Variants in DACH2 observed in about 807,000 individuals in gnomAD.
DACH2 encodes the protein dachshund family transcription factor 2.
DACH2 carries 17 observed loss-of-function variants against 35.8 expected under a neutral mutation model. The ratio of observed to expected loss-of-function variants is 0.48; its 90% CI spans 0.33 to 0.71. DACH2 has a LOEUF of 0.71. Among genes scored for constraint, DACH2 ranks in the 30% least tolerant of loss-of-function variants. The pLI is 0.02. For synonymous variants in DACH2, 195 were observed against 177.3 expected (o/e 1.10, Z -0.79); for missense variants, 469 against 472.7 (o/e 0.99, Z 0.07).
intron 2 of DACH2, among the ~76,000 whole-genome samples, chrX:86,408,545 G>A (rs1423731275): frequency 1.8e-5 from 2 of 111,835 alleles, no homozygotes; most frequent in African/African-American, 6.5e-5. Flanking sequence ...ACCAAATATA[G>A]CATCTTGGAT....
chrX:86,319,641 T>C (rs1353797637), intron 1 of DACH2, among the ~76,000 whole-genome samples: 1 of 112,146 alleles, frequency 8.9e-6, no homozygotes, highest in Non-Finnish European at 1.9e-5. Flanking sequence ...CTGACCTGTA[T>C]AATTTAGACC....
chrX:86,268,267 G>A (rs888194443), intron 1 of DACH2, among the ~76,000 whole-genome samples: 4 of 111,053 alleles, frequency 3.6e-5, no homozygotes, highest in Non-Finnish European at 5.7e-5. Context: ...AGTAATCATA[G>A]TAAATAATAG....
At chrX:86,391,895 C>T (rs1216873114) in intron 2 of DACH2, among the ~76,000 whole-genome samples, 1 of 111,122 alleles carries the variant, frequency 9.0e-6, no homozygotes, top group African/African-American at 3.3e-5. Flanking sequence ...TATTCTAGAT[C>T]GTGGGTAAAT....
intron 1 of DACH2, among the ~76,000 whole-genome samples, chrX:86,293,364 G>T (rs1254589883): frequency 9.1e-6 from 1 of 109,620 alleles, no homozygotes; most frequent in Non-Finnish European, 1.9e-5. Context: ...ACACTGATGG[G>T]TCTTGACTAT....
At chrX:86,815,455 T>C (rs2042437778) in intron 10 of DACH2, among the ~76,000 whole-genome samples, 1 of 109,716 alleles carries the variant, frequency 9.1e-6, no homozygotes, top group African/African-American at 3.3e-5. Context: ...ACAGAACCTT[T>C]TTACATCAAA....
chrX:86,210,600 C>T (rs2032422746), intron 1 of DACH2, among the ~76,000 whole-genome samples: 2 of 111,827 alleles, frequency 1.8e-5, no homozygotes, highest in South Asian at 7.3e-4. Flanking sequence ...ACACTGACAT[C>T]AGCTCAAAAG....
intron 2 of DACH2, among the ~76,000 whole-genome samples, chrX:86,444,458 T>G (rs1336964336): frequency 8.9e-6 from 1 of 111,793 alleles, no homozygotes; most frequent in Non-Finnish European, 1.9e-5. Context: ...TCTCTGATAG[T>G]AAACCTTTTA....
At chrX:86,818,737 C>T (rs2042477126) in intron 11 of DACH2, among the ~76,000 whole-genome samples, 1 of 110,183 alleles carries the variant, frequency 9.1e-6, no homozygotes, top group South Asian at 3.8e-4. Context: ...ATAATTCCAG[C>T]ATCAGTAAAG....
intron 7 of DACH2, among the ~76,000 whole-genome samples, chrX:86,769,691 G>A (rs1356293410): frequency 9.0e-6 from 1 of 111,441 alleles, no homozygotes; most frequent in Non-Finnish European, 1.9e-5. Flanking sequence ...AATCATCTAG[G>A]AATCAAAGAC....
chrX:86,204,439 C>T (rs147317703), intron 1 of DACH2, among the ~76,000 whole-genome samples: 12 of 111,679 alleles, frequency 1.1e-4, no homozygotes, highest in Non-Finnish European at 2.1e-4. Context: ...ATTGAACTTC[C>T]GTAAGTACTC....
At chrX:86,792,237 A>C (rs764795820) in intron 7 of DACH2, among the ~76,000 whole-genome samples, 7 of 111,520 alleles carry the variant, frequency 6.3e-5, no homozygotes, top group Non-Finnish European at 1.1e-4. Flanking sequence ...CTGCCAGTAA[A>C]ATTTATTGAT....
chrX:86,173,312 A>G (rs1179304364), intron 1 of DACH2, among the ~76,000 whole-genome samples: 1 of 112,045 alleles, frequency 8.9e-6, no homozygotes, highest in Non-Finnish European at 1.9e-5. Flanking sequence ...GTGGGAAGAC[A>G]ATAAACAATA....
chrX:86,758,241 G>A (rs2041847542), intron 7 of DACH2, among the ~76,000 whole-genome samples: 2 of 111,239 alleles, frequency 1.8e-5, no homozygotes, highest in African/African-American at 6.5e-5. Flanking sequence ...GTTCTCCTCT[G>A]TTCTTTGCTA....
intron 3 of DACH2, among the ~76,000 whole-genome samples, chrX:86,625,474 C>G (rs1409491839): frequency 9.0e-6 from 1 of 110,705 alleles, no homozygotes; most frequent in Non-Finnish European, 1.9e-5. Context: ...ATTTGAGTGT[C>G]CTAACTGATA....
chrX:86,763,459 T>G (rs1461155408), intron 7 of DACH2, among the ~76,000 whole-genome samples: 2 of 112,113 alleles, frequency 1.8e-5, no homozygotes, highest in Non-Finnish European at 1.9e-5. Flanking sequence ...TTACTTTTTT[T>G]TTGTTTTGTT....
intron 1 of DACH2, among the ~76,000 whole-genome samples, chrX:86,345,964 A>G (rs1054604746): frequency 8.9e-6 from 1 of 112,206 alleles, no homozygotes; most frequent in Non-Finnish European, 1.9e-5. Flanking sequence ...ATTGAAAATG[A>G]TGATTGTGAT....
intron 6 of DACH2, among the ~76,000 whole-genome samples, chrX:86,729,222 G>A (rs1192672350): frequency 1.1e-4 from 12 of 112,035 alleles, no homozygotes; most frequent in African/African-American, 3.9e-4. Flanking sequence ...AGTCAAAGGA[G>A]ATTATTTTCG....
intron 1 of DACH2, among the ~76,000 whole-genome samples, chrX:86,315,430 A>G (rs1044196255): frequency 3.6e-5 from 4 of 112,287 alleles, no homozygotes; most frequent in African/African-American, 9.7e-5. Context: ...CATAGCATCC[A>G]TTCTGCAGCC....
chrX:86,696,330 T>C (rs1241133265), intron 5 of DACH2, among the ~76,000 whole-genome samples: 4 of 111,694 alleles, frequency 3.6e-5, no homozygotes, highest in Non-Finnish European at 5.6e-5. Flanking sequence ...TACTTTAAAG[T>C]GGTTATAATC....
Sources: allele counts gnomAD v4.1 joint callset (sites outside exome capture counted in the v4.1 genomes callset), GRCh38; gene constraint gnomAD v4.1.1; transcripts MANE v1.5; gene names NCBI Gene and HGNC (gene_info 2026-07-23, HGNC 2026-07-21).